AMOTL1: variants seen among roughly 807,000 people sequenced by gnomAD.
The protein encoded by AMOTL1 is angiomotin-like protein 1.
Under a neutral mutation model 102.9 loss-of-function variants are expected in AMOTL1, and 45 were observed. The ratio of observed to expected loss-of-function variants is 0.44; its 90% CI spans 0.34 to 0.56. The LOEUF is 0.56. Among genes scored for constraint, AMOTL1 ranks in the 20% least tolerant of loss-of-function variants. AMOTL1 has a pLI of 0.01. For synonymous variants in AMOTL1, 481 were observed against 484.7 expected (o/e 0.99, Z 0.10); for missense variants, 1,114 against 1,225.6 (o/e 0.91, Z 1.36).
intron 1 of AMOTL1, among the ~76,000 whole-genome samples, chr11:94,781,120 T>G (rs1466168956): frequency 2.0e-5 from 3 of 152,232 alleles, no homozygotes; most frequent in Middle Eastern, 3.4e-3. Flanking sequence ...TGGAGCCTTT[T>G]TTTCCCCTAG....
At chr11:94,835,195 A>T (rs1821012893) in intron 6 of AMOTL1, among the ~76,000 whole-genome samples, 1 of 152,130 alleles carries the variant, frequency 6.6e-6, no homozygotes, top group Non-Finnish European at 1.5e-5. Flanking sequence ...ATGTTTTTGT[A>T]GCTTATAGGA....
intron 8 of AMOTL1, among the ~76,000 whole-genome samples, chr11:94,855,240 A>T (rs1000735090): frequency 1.3e-5 from 2 of 152,236 alleles, no homozygotes; most frequent in Admixed American, 1.3e-4. Context: ...GGGCAGGCCC[A>T]TGCAGTTCCC....
chr11:94,759,481 A>G (rs541514839), intron 3 of AMOTL1, among the ~76,000 whole-genome samples: 1 of 150,790 alleles, frequency 6.6e-6, no homozygotes, highest in East Asian at 2.0e-4. Context: ...CTCACCATAT[A>G]TGGATCATTC....
At position 94,768,465 on chromosome 11, in the gene AMOTL1, G is replaced by A; in HGVS notation, c.-47G>A. On this transcript the variant is annotated 5_prime_UTR_variant, in exon 1 of 13. Transcript: ENST00000433060. ...CGGCGCCACTTCCCCGCGCTGCCCG[G>A]CAGCCGTCTTCCCCAGCCGAGGGAC... The A allele has an allele frequency of 6.4e-7, 1 of 1,561,634 alleles. No individual in the cohort carries two copies. The highest frequency in any genetic ancestry group is 8.7e-7 in the Non-Finnish European group (1 of 1,154,720).
intron 3 of AMOTL1, among the ~76,000 whole-genome samples, chr11:94,808,329 G>A (rs1951602084): frequency 1.3e-5 from 2 of 152,256 alleles, no homozygotes; most frequent in South Asian, 4.1e-4. Context: ...CTTGAGAAAT[G>A]TTTTGATTTT....
In AMOTL1 at chr11:94,866,068, C is replaced by T. The variant is rs1952876572; in HGVS notation, c.2388C>T (p.Ser796=). 6.2e-7 allele frequency: 1 copy of T among 1,613,876 alleles called. No homozygotes were observed. The highest frequency in any genetic ancestry group is 8.5e-7 in the Non-Finnish European group (1 of 1,179,908). The change falls in exon 11 of 13, where the codon TCC becomes TCT. Residue 796 remains serine (S), a synonymous_variant. Coordinates refer to ENST00000433060, the MANE Select transcript of AMOTL1 (RefSeq NM_130847.3). ...SSLRPARSVP[S]IAAATGTHSR... is the part of the protein sequence containing the mutation. ...TACGTCCTGCCCGCTCCGTTCCATC[C>T]ATAGCAGCAGCTACTGGGACACACT... is the stretch of plus-strand genomic sequence containing the variant.
rs139544559 is a variant in AMOTL1 at position 94,715,857 on chromosome 11, A to G, written c.-51+9260A>G. 3.5e-3 allele frequency among the ~76,000 whole-genome samples: 536 copies of G among 152,136 alleles called. 3 individuals carry two copies. The highest frequency in any genetic ancestry group is 0.011 in the African/African-American group (477 of 41,540). The stretch of plus-strand genomic sequence containing the variant: ...GTGTGGATTTCCTTGGATTTATCTT[A>G]TTTAGGTTCACTTGGCTTCTTGAAT... On this transcript the variant is annotated intron_variant, in intron 1 of 4. Transcript: ENST00000299004.
rs575961352 is a variant in AMOTL1 at position 94,853,966 on chromosome 11, G to A, written c.1828G>A (p.Glu610Lys). The change falls in exon 8 of 13, where the codon GAG becomes AAG. Residue 610 changes from glutamate (E) to lysine (K), a missense_variant. Glu to Lys is a moderately conservative substitution (Grantham distance 56). Coordinates refer to ENST00000433060, the MANE Select transcript of AMOTL1 (RefSeq NM_130847.3). ...GAAGCAAGCATATGTTGAGAAAGTT[G>A]AGAAGCTGCAGCAGGCCCTGACCCA... ...REKQAYVEKV[E>K]KLQQALTQLQ... 2.9e-5 allele frequency: 47 copies of A among 1,608,314 alleles called. No individual in the cohort carries two copies. The highest frequency in any genetic ancestry group is 3.7e-5 in the Non-Finnish European group (44 of 1,177,128).
Position 94,799,346 on chromosome 11 carries a change from C to A in AMOTL1, c.200-44C>A. 6.9e-7 allele frequency: 1 copy of A among 1,449,252 alleles called. No individual in the cohort carries two copies. Among genetic ancestry groups the A allele is most frequent in the Non-Finnish European group, 9.3e-7 (1 of 1,072,392 alleles). The allele number at this position is 1,449,252 out of a possible 1,614,324, so 89.8% of individuals were successfully genotyped here. A position where few individuals can be genotyped will look rare whatever the true frequency, so the allele number is the denominator to read the frequency against. ...CCACATAGTCACAGACATATATCTC[C>A]TGTGGAGCTGCCTGATATCTTTTTT... On this transcript the variant is annotated intron_variant, in intron 2 of 12. Coordinates refer to ENST00000433060, the MANE Select transcript of AMOTL1 (RefSeq NM_130847.3). This position sits in a 1 kb window ranked among gnomAD's most constrained non-coding sequence, Gnocchi z 4.5.
intron 1 of AMOTL1, among the ~76,000 whole-genome samples, chr11:94,770,560 G>GTT (rs1371492878): frequency 6.6e-6 from 1 of 152,110 alleles, no homozygotes; most frequent in Admixed American, 6.5e-5. Flanking sequence ...ACCTGCAGGT[G>GTT]GATAGGAGAG....
At chr11:94,753,498 A>G (rs566718794) in intron 3 of AMOTL1, among the ~76,000 whole-genome samples, 1 of 152,316 alleles carries the variant, frequency 6.6e-6, no homozygotes, top group South Asian at 2.1e-4. Flanking sequence ...ATATTTATTG[A>G]GTGCTTTTCA....
intron 1 of AMOTL1, among the ~76,000 whole-genome samples, chr11:94,779,088 G>C (rs895653161): frequency 6.6e-6 from 1 of 152,118 alleles, no homozygotes; most frequent in African/African-American, 2.4e-5. Flanking sequence ...CCTTTCCACA[G>C]GTGTGTCAAA....
chr11:94,785,244 G>A (rs1234049887), intron 1 of AMOTL1, among the ~76,000 whole-genome samples: 2 of 152,088 alleles, frequency 1.3e-5, no homozygotes, highest in Admixed American at 6.5e-5. Flanking sequence ...AAGAAATTTG[G>A]TGGGAAAAAA....
In AMOTL1 at chr11:94,853,981, G is replaced by A; in HGVS notation, c.1843G>A (p.Ala615Thr). Residue 615 changes from alanine to threonine, a missense_variant, in exon 8 of 13, where the codon GCC becomes ACC. Physicochemically the swap from Ala to Thr is moderately conservative, Grantham distance 58. Transcript: ENST00000433060. ...YVEKVEKLQQ[A>T]LTQLQSACEK... ...TGAGAAAGTTGAGAAGCTGCAGCAG[G>A]CCCTGACCCAGCTGCAGTCTGCATG... 6.2e-7 allele frequency: 1 copy of A among 1,605,198 alleles called. No homozygotes were observed. Among genetic ancestry groups the A allele is most frequent in the East Asian group, 2.2e-5 (1 of 44,606 alleles).
intron 11 of AMOTL1, among the ~76,000 whole-genome samples, chr11:94,868,485 A>G (rs1009178810): frequency 2.6e-5 from 4 of 152,092 alleles, no homozygotes; most frequent in Admixed American, 6.5e-5. Flanking sequence ...CCCCAGCCTC[A>G]CTACTCTTGA....
chr11:94,778,087 G>A (rs188524446), intron 1 of AMOTL1, among the ~76,000 whole-genome samples: 1 of 152,302 alleles, frequency 6.6e-6, no homozygotes, highest in East Asian at 1.9e-4. Context: ...GAGAAGAAAG[G>A]ATTCATAACT....
chr11:94,834,618 A>G (rs1388754612), intron 6 of AMOTL1, among the ~76,000 whole-genome samples: 1 of 152,184 alleles, frequency 6.6e-6, no homozygotes, highest in East Asian at 1.9e-4. Context: ...GTCTTGGAGT[A>G]ATACATACCA....
chr11:94,862,433 A>G (rs959120681), intron 9 of AMOTL1, among the ~76,000 whole-genome samples: 2 of 152,206 alleles, frequency 1.3e-5, no homozygotes, highest in African/African-American at 4.8e-5. Context: ...TGACTTTTCA[A>G]CCACAGATGC....
chr11:94,799,316 A>C lies in AMOTL1; in HGVS notation c.200-74A>C. On this transcript the variant is annotated intron_variant, in intron 2 of 12. Coordinates refer to ENST00000433060, the MANE Select transcript of AMOTL1 (RefSeq NM_130847.3). This position sits in a 1 kb window ranked among gnomAD's most constrained non-coding sequence, Gnocchi z 4.5. ...TGTTGCTGTAGTTAGAATGTTAATT[A>C]TGTACCACATAGTCACAGACATATA... 3.6e-4 allele frequency: 433 copies of C among 1,194,920 alleles called. No homozygotes were observed. Among genetic ancestry groups the C allele is most frequent in the Non-Finnish European group, 4.5e-4 (392 of 865,660 alleles). 74.0% of individuals were successfully genotyped at this position (1,194,920 alleles called of 1,614,324 possible).
Sources: gnomAD v4.1 joint callset for allele counts (sites outside exome capture counted in the v4.1 genomes callset) on GRCh38, gnomAD v4.1.1 for gene constraint, Gnocchi (gnomAD v3.1) non-coding constraint, MANE v1.5 for transcripts, NCBI Gene and HGNC (gene_info 2026-07-23, HGNC 2026-07-21) for gene names.